GRK5: variants seen among roughly 807,000 people sequenced by gnomAD.
GRK5 encodes G protein-coupled receptor kinase 5, also known as g protein-coupled receptor kinase GRK5.
In GRK5, 40 loss-of-function variants were observed where a neutral mutation model predicts 78.4. The observed-to-expected ratio is 0.51, with a 90% confidence interval of 0.40 to 0.66. The LOEUF (loss-of-function observed/expected upper bound fraction) is 0.66, where lower values mean the gene tolerates loss of function less well. Among genes scored for constraint, GRK5 ranks in the 30% least tolerant of loss-of-function variants. The pLI, the probability that GRK5 is intolerant of heterozygous loss-of-function variation, is 0.00. For synonymous variants in GRK5, 289 were observed against 296.8 expected (o/e 0.97, Z 0.27); for missense variants, 598 against 759.9 (o/e 0.79, Z 2.50).
intron 1 of GRK5, among the ~76,000 whole-genome samples, chr10:119,220,514 T>A (rs1464670914): frequency 6.6e-6 from 1 of 152,158 alleles, no homozygotes. Flanking sequence ...GTCCTTGGTA[T>A]TTTTGCTAGT....
intron 1 of GRK5, among the ~76,000 whole-genome samples, chr10:119,225,856 T>G (rs1848729314): frequency 7.0e-6 from 1 of 142,280 alleles, no homozygotes; most frequent in African/African-American, 2.6e-5. Flanking sequence ...TTTTTTTTTC[T>G]TTTTTTTTTT....
In GRK5 at chr10:119,267,367, C is replaced by T. The variant is rs145391687; in HGVS notation, c.53-59149C>T. Reference sequence around the variant, plus strand: ...CAAAGTGTGGGATTACAGGTGTGAGCCACCGTGCCTAGCTGTGTTTTGTTG... The same window carrying T: ...CAAAGTGTGGGATTACAGGTGTGAGTCACCGTGCCTAGCTGTGTTTTGTTG... On this transcript the variant is annotated intron_variant, in intron 1 of 15. Transcript: ENST00000392870. The surrounding 1 kb of genome is among the most constrained non-coding windows in gnomAD (Gnocchi z 4.1). Among the ~76,000 whole-genome samples the T allele has an allele frequency of 1.4e-3, 218 of 152,320 alleles. 1 individual carries two copies. The highest frequency in any genetic ancestry group is 5.1e-3 in the African/African-American group (212 of 41,568).
chr10:119,402,555 G>A (rs1852167417), intron 4 of GRK5, among the ~76,000 whole-genome samples: 1 of 152,142 alleles, frequency 6.6e-6, no homozygotes, highest in Non-Finnish European at 1.5e-5. Flanking sequence ...ATGACTTTTT[G>A]AAATACCAAT....
chr10:119,383,243 C>T (rs1412142339), intron 3 of GRK5, among the ~76,000 whole-genome samples: 2 of 152,334 alleles, frequency 1.3e-5, no homozygotes, highest in East Asian at 3.9e-4. Context: ...ATTTCTTATA[C>T]GTTGCTAGTT....
chr10:119,321,784 G>C (rs1335215374), intron 1 of GRK5, among the ~76,000 whole-genome samples: 1 of 152,152 alleles, frequency 6.6e-6, no homozygotes, highest in Non-Finnish European at 1.5e-5. Flanking sequence ...GGTTGAGGAG[G>C]AAAGTGAGCC....
chr10:119,384,812 C>T (rs998146150), intron 3 of GRK5, among the ~76,000 whole-genome samples: 7 of 152,184 alleles, frequency 4.6e-5, no homozygotes, highest in Non-Finnish European at 7.3e-5. Context: ...GCTCCTTCCT[C>T]TGCATCATGC....
rs1483814931 is a variant in GRK5 at position 119,249,286 on chromosome 10, G to GAAAAA, written c.52+41318_52+41322dup. ...AACTTCGTCTCAAAAAACAAAAAAC[G>GAAAAA]AAAAACAAAAAGGAGATACTAATAA... is the stretch of plus-strand genomic sequence containing the variant. On this transcript the variant is annotated intron_variant, in intron 1 of 15. Coordinates refer to ENST00000392870, the MANE Select transcript of GRK5 (RefSeq NM_005308.3). Among the ~76,000 whole-genome samples, 608 of 150,548 alleles carry GAAAAA rather than the reference G, an allele frequency of 4.0e-3. 3 individuals carry two copies. The highest frequency in any genetic ancestry group is 7.0e-3 in the Non-Finnish European group (470 of 67,386).
chr10:119,211,676 C>G lies in GRK5; in HGVS notation c.52+3707C>G, dbSNP rs759941051. ...ACTGGAACAACTTTGTCATTTGTCA[C>G]AATTGCCAAACATTAGAATACACAG... On this transcript the variant is annotated intron_variant, in intron 1 of 15. Coordinates refer to ENST00000392870, the MANE Select transcript of GRK5 (RefSeq NM_005308.3). 3 of 152,254 alleles carry G rather than the reference C, an allele frequency of 2.0e-5. No homozygotes were observed. The East Asian group carries it at 5.8e-4, about 29-fold the overall frequency. The allele number at this position is 152,254 out of a possible 1,614,324, so 9.4% of individuals were successfully genotyped here.
At chr10:119,210,863 A>C (rs1295328321) in intron 1 of GRK5, among the ~76,000 whole-genome samples, 4 of 152,248 alleles carry the variant, frequency 2.6e-5, no homozygotes, top group Non-Finnish European at 1.5e-5. Flanking sequence ...GGTGGGTAAC[A>C]CTGGGACCTA....
intron 10 of GRK5, among the ~76,000 whole-genome samples, chr10:119,440,895 G>A (rs1046161284): frequency 6.6e-6 from 1 of 152,274 alleles, no homozygotes; most frequent in South Asian, 2.1e-4. Flanking sequence ...AGAAGGGCAA[G>A]GCAGCATCTC....
chr10:119,316,665 G>A (rs1197643753), intron 1 of GRK5, among the ~76,000 whole-genome samples: 1 of 152,226 alleles, frequency 6.6e-6, no homozygotes, highest in East Asian at 1.9e-4. Context: ...CCTTGACAGG[G>A]AGAGGTGCCC....
chr10:119,245,948 A>C (rs959068964), intron 1 of GRK5, among the ~76,000 whole-genome samples: 3 of 136,570 alleles, frequency 2.2e-5, no homozygotes, highest in South Asian at 2.6e-4. Flanking sequence ...TGAACCCGGG[A>C]GGCAGAGCCT....
chr10:119,423,367 A>G (rs1852610016), intron 5 of GRK5, 101 bp downstream of exon 5: 2 of 762,890 alleles, frequency 2.6e-6, no homozygotes, highest in Non-Finnish European at 4.6e-6. Context: ...CAGGTCTTCC[A>G]TGCCTGACAG....
intron 1 of GRK5, among the ~76,000 whole-genome samples, chr10:119,316,990 T>C (rs1172611669): frequency 6.6e-6 from 1 of 152,156 alleles, no homozygotes; most frequent in African/African-American, 2.4e-5. Flanking sequence ...AGATATGGCT[T>C]CAGGGGCCTA....
Position 119,312,079 on chromosome 10 carries a change from G to GT in GRK5, c.53-14432dup, listed in dbSNP as rs1168278161. Among the ~76,000 whole-genome samples the GT allele has an allele frequency of 3.3e-5, 5 of 151,980 alleles. No homozygotes were observed. The East Asian group carries it at 9.8e-4, about 30-fold the overall frequency. ...CTACATCCACCCGCTGCTAATTTTTGTTTTTGTATTTTTAGTAGAGATGGG... is the reference window on the plus strand; with the variant it reads ...CTACATCCACCCGCTGCTAATTTTTGTTTTTTGTATTTTTAGTAGAGATGGG... On this transcript the variant is annotated intron_variant, in intron 1 of 15. Transcript: ENST00000392870.
chr10:119,316,407 G>C (rs561115305), intron 1 of GRK5, among the ~76,000 whole-genome samples: 20 of 152,352 alleles, frequency 1.3e-4, no homozygotes, highest in Admixed American at 1.0e-3. Context: ...CTGCAACACA[G>C]TTCTAACTAC....
At chr10:119,214,572 T>C (rs1848540557) in intron 1 of GRK5, among the ~76,000 whole-genome samples, 1 of 152,196 alleles carries the variant, frequency 6.6e-6, no homozygotes, top group Admixed American at 6.5e-5. Context: ...CAGTCTGTAG[T>C]GCAGTGGTGC....
At position 119,207,891 on chromosome 10, in the gene GRK5, G is replaced by C. The variant is rs961546492; in HGVS notation, c.-27G>C. 2.5e-6 allele frequency: 4 copies of C among 1,587,060 alleles called. No individual in the cohort carries two copies. Among genetic ancestry groups the C allele is most frequent in the Non-Finnish European group, 3.4e-6 (4 of 1,169,048 alleles). On this transcript the variant is annotated 5_prime_UTR_variant, in exon 1 of 16. Transcript: ENST00000392870. Reference sequence around the variant, plus strand: ...CCAGGCGCTGACAGCCCCGCCGGCCGGCTCCGTTGCTGACCGCCGACTGTC... The same window carrying C: ...CCAGGCGCTGACAGCCCCGCCGGCCCGCTCCGTTGCTGACCGCCGACTGTC...
At chr10:119,234,017 T>TG (rs1371384994) in intron 1 of GRK5, among the ~76,000 whole-genome samples, 1 of 152,020 alleles carries the variant, frequency 6.6e-6, no homozygotes, top group African/African-American at 2.4e-5. Flanking sequence ...TATTTCCTTG[T>TG]GGGGGCCTGG....
Sources: gnomAD v4.1 joint callset for allele counts (sites outside exome capture counted in the v4.1 genomes callset) on GRCh38, gnomAD v4.1.1 for gene constraint, Gnocchi (gnomAD v3.1) non-coding constraint, MANE v1.5 for transcripts, NCBI Gene and HGNC (gene_info 2026-07-23, HGNC 2026-07-21) for gene names.